The following FRMD4B variants were observed in gnomAD, a reference collection of about 807,000 sequenced individuals.
FRMD4B encodes FERM domain-containing protein 4B.
FRMD4B carries 74 observed loss-of-function variants against 141.5 expected under a neutral mutation model. The observed-to-expected ratio is 0.52, with a 90% CI of 0.43 to 0.63. FRMD4B has a LOEUF of 0.63. Among genes scored for constraint, FRMD4B ranks in the 30% least tolerant of loss-of-function variants. The pLI, the probability that FRMD4B is intolerant of heterozygous loss-of-function variation, is 0.00. For missense variants in FRMD4B, 1,366 were observed against 1,253.4 expected (o/e 1.09, Z -1.36); for synonymous variants, 506 against 467.9 (o/e 1.08, Z -1.05).
intron 1 of FRMD4B, among the ~76,000 whole-genome samples, chr3:69,477,365 T>TC: frequency 6.9e-6 from 1 of 143,916 alleles, no homozygotes; most frequent in Non-Finnish European, 1.5e-5. Flanking sequence ...TCTTATAATT[T>TC]GAGATACGTC....
chr3:69,272,592 C>T (rs1034615520), intron 5 of FRMD4B, among the ~76,000 whole-genome samples: 1 of 152,208 alleles, frequency 6.6e-6, no homozygotes, highest in African/African-American at 2.4e-5. Flanking sequence ...TACACACACA[C>T]ACACATTCAC....
intron 18 of FRMD4B, among the ~76,000 whole-genome samples, 156 bp from the exon 19 acceptor site, chr3:69,188,073 G>C (rs1035221779): frequency 6.6e-6 from 1 of 152,142 alleles, no homozygotes; most frequent in Non-Finnish European, 1.5e-5. Flanking sequence ...CTTTCAAGAA[G>C]TTAATTTTTA....
intron 1 of FRMD4B, among the ~76,000 whole-genome samples, chr3:69,528,114 G>T (rs1239766805): frequency 1.3e-5 from 2 of 152,102 alleles, no homozygotes; most frequent in Non-Finnish European, 2.9e-5. Context: ...TCCTTTGATA[G>T]ACATGGGATG....
At chr3:69,374,540 G>A (rs1559836339) in intron 1 of FRMD4B, among the ~76,000 whole-genome samples, 2 of 152,218 alleles carry the variant, frequency 1.3e-5, no homozygotes, top group Admixed American at 1.3e-4. Flanking sequence ...AGCTTATACA[G>A]ATGGGAAAGA....
At chr3:69,499,257 GTCTGAA>G (rs1217351235) in intron 1 of FRMD4B, among the ~76,000 whole-genome samples, 1 of 152,184 alleles carries the variant, frequency 6.6e-6, no homozygotes, top group Non-Finnish European at 1.5e-5. Context: ...ACAGTAAAGA[GTCTGAA>G]TCTTATTCTA....
chr3:69,271,135 A>G (rs1201049041), intron 5 of FRMD4B, among the ~76,000 whole-genome samples: 1 of 152,216 alleles, frequency 6.6e-6, no homozygotes, highest in Non-Finnish European at 1.5e-5. Context: ...TACCAAAAAT[A>G]TCAGTAGTAG....
chr3:69,352,661 A>T (rs893331831), intron 1 of FRMD4B, among the ~76,000 whole-genome samples: 6 of 152,208 alleles, frequency 3.9e-5, no homozygotes, highest in Admixed American at 3.9e-4. Context: ...AGCAAAGAAA[A>T]AAAACCTTCC....
chr3:69,408,774 G>A (rs1362067587), intron 2 of FRMD4B, among the ~76,000 whole-genome samples: 1 of 152,034 alleles, frequency 6.6e-6, no homozygotes, highest in Non-Finnish European at 1.5e-5. Context: ...TTAGAGCAGG[G>A]ATGGCGCCAG....
At chr3:69,454,847 C>T (rs555066006) in intron 1 of FRMD4B, among the ~76,000 whole-genome samples, 17 of 152,342 alleles carry the variant, frequency 1.1e-4, no homozygotes, top group East Asian at 1.9e-4. Context: ...CACCTCCGCC[C>T]GTGGCCCCTG....
At chr3:69,521,352 C>T (rs1480118065) in intron 1 of FRMD4B, among the ~76,000 whole-genome samples, 1 of 152,162 alleles carries the variant, frequency 6.6e-6, no homozygotes, top group African/African-American at 2.4e-5. Context: ...GAAGTCCTGG[C>T]CTCTTTCCTC....
chr3:69,311,130 T>C (rs1701572278), intron 3 of FRMD4B, 133 bp downstream of exon 3: 3 of 503,162 alleles, frequency 6.0e-6, no homozygotes, highest in Admixed American at 3.4e-5. Context: ...AAATCGCATA[T>C]TAAAAAACCT....
chr3:69,372,818 C>T (rs1703864452), intron 1 of FRMD4B, among the ~76,000 whole-genome samples: 1 of 152,094 alleles, frequency 6.6e-6, no homozygotes, highest in Admixed American at 6.5e-5. Flanking sequence ...TGTATACATA[C>T]ATAAATATTC....
chr3:69,263,344 C>T (rs1186985503), intron 5 of FRMD4B, among the ~76,000 whole-genome samples: 1 of 150,646 alleles, frequency 6.6e-6, no homozygotes, highest in Non-Finnish European at 1.5e-5. Flanking sequence ...TTCTTGGGTG[C>T]CAGTAATCTT....
At chr3:69,472,411 C>T (rs1705907645) in intron 1 of FRMD4B, 1 of 487,958 alleles carries the variant, frequency 2.0e-6, no homozygotes, top group South Asian at 1.6e-5. Flanking sequence ...TGCCTCTTCA[C>T]TAATATGGCC....
chr3:69,290,959 T>TA (rs1380653808), intron 4 of FRMD4B, among the ~76,000 whole-genome samples: 1 of 152,170 alleles, frequency 6.6e-6, no homozygotes, highest in Non-Finnish European at 1.5e-5. Context: ...CTCAACCATG[T>TA]AAAAAATAGC....
chr3:69,474,119 T>G (rs1705939891), intron 1 of FRMD4B, among the ~76,000 whole-genome samples: 1 of 152,230 alleles, frequency 6.6e-6, no homozygotes, highest in Non-Finnish European at 1.5e-5. Flanking sequence ...AATTACTTGC[T>G]CTCCTCTATT....
chr3:69,498,698 T>G (rs1706444564), intron 1 of FRMD4B, among the ~76,000 whole-genome samples: 1 of 152,158 alleles, frequency 6.6e-6, no homozygotes, highest in Non-Finnish European at 1.5e-5. Flanking sequence ...AAATAAACAC[T>G]TAGCAGACAC....
At chr3:69,532,391 TA>T (rs1013564165) in intron 1 of FRMD4B, among the ~76,000 whole-genome samples, 158 of 151,802 alleles carry the variant, frequency 1.0e-3, no homozygotes, top group South Asian at 1.2e-3. Flanking sequence ...ATCTGACATT[TA>T]AAAAAAAATT....
intron 2 of FRMD4B, among the ~76,000 whole-genome samples, chr3:69,422,801 G>GA (rs80030702): frequency 0.27 from 40,514 of 149,122 alleles, 5,798 homozygotes; most frequent in East Asian, 0.47. Flanking sequence ...AATGAAAAAG[G>GA]AAAAAAAAAA....
Sources: gnomAD v4.1 joint callset for allele counts (sites outside exome capture counted in the v4.1 genomes callset) on GRCh38, gnomAD v4.1.1 for gene constraint, MANE v1.5 for transcripts, NCBI Gene and HGNC (gene_info 2026-07-23, HGNC 2026-07-21) for gene names.